The following SLC9A9 variants were observed in gnomAD, a reference collection of about 807,000 sequenced individuals.
SLC9A9 encodes the protein solute carrier family 9 member A9, also known as sodium/hydrogen exchanger 9.
Under a neutral mutation model 77.8 loss-of-function variants are expected in SLC9A9, and 62 were observed. The observed-to-expected ratio is 0.80, with a 90% CI of 0.65 to 0.98. The LOEUF (loss-of-function observed/expected upper bound fraction) is 0.98. Ranked by LOEUF, SLC9A9 falls within the 50% of genes least tolerant of loss-of-function variation. The pLI is 0.00. For missense variants in SLC9A9, 775 were observed against 774.9 expected (o/e 1.00, Z 0.00); for synonymous variants, 320 against 283.5 (o/e 1.13, Z -1.29).
chr3:143,363,456 C>T, intron 14 of SLC9A9, 28 bp downstream of exon 14: 1 of 1,599,232 alleles, frequency 6.3e-7, no homozygotes, highest in Non-Finnish European at 8.6e-7. Context: ...GCAGCAGGAT[C>T]TGTGAGATCG....
intron 8 of SLC9A9, among the ~76,000 whole-genome samples, chr3:143,567,675 C>A (rs189705166): frequency 6.6e-6 from 1 of 152,176 alleles, no homozygotes; most frequent in Non-Finnish European, 1.5e-5. Flanking sequence ...GCAAATGTGG[C>A]CCTTGAAGCA....
intron 4 of SLC9A9, among the ~76,000 whole-genome samples, chr3:143,776,274 A>G (rs2007688527): frequency 6.6e-6 from 1 of 152,202 alleles, no homozygotes; most frequent in African/African-American, 2.4e-5. Flanking sequence ...AATAGATAGA[A>G]AGGTCATTAT....
chr3:143,828,249 C>T (rs188832833), intron 2 of SLC9A9, among the ~76,000 whole-genome samples: 45 of 152,270 alleles, frequency 3.0e-4, no homozygotes, highest in African/African-American at 1.0e-3. Context: ...ATTCTACCAA[C>T]TCCAAGAATG....
chr3:143,795,232 A>T (rs1018395041), intron 3 of SLC9A9, among the ~76,000 whole-genome samples, 155 bp from the exon 4 acceptor site: 1 of 150,584 alleles, frequency 6.6e-6, no homozygotes, highest in Admixed American at 6.7e-5. Flanking sequence ...GCTAATAGGG[A>T]CTTAACTGAT....
intron 5 of SLC9A9, among the ~76,000 whole-genome samples, chr3:143,661,442 C>T (rs988536273): frequency 3.3e-5 from 5 of 152,114 alleles, no homozygotes; most frequent in African/African-American, 1.2e-4. Context: ...CCACACTGCT[C>T]GACCCCACTG....
intron 4 of SLC9A9, among the ~76,000 whole-genome samples, chr3:143,728,304 G>A (rs1219808165): frequency 6.6e-6 from 1 of 152,156 alleles, no homozygotes; most frequent in Admixed American, 6.6e-5. Context: ...ATGGGAGGAG[G>A]AATCTAGGAG....
intron 11 of SLC9A9, among the ~76,000 whole-genome samples, chr3:143,473,560 T>G (rs1205454097): frequency 1.3e-5 from 2 of 152,208 alleles, no homozygotes; most frequent in Admixed American, 6.5e-5. Flanking sequence ...TGAACGATCT[T>G]TCTTCCCTCA....
At chr3:143,761,283 C>G (rs1054995555) in intron 4 of SLC9A9, among the ~76,000 whole-genome samples, 4 of 152,124 alleles carry the variant, frequency 2.6e-5, no homozygotes, top group Non-Finnish European at 5.9e-5. Flanking sequence ...CAGGCAGAGG[C>G]AAGGACTTCA....
intron 5 of SLC9A9, among the ~76,000 whole-genome samples, chr3:143,674,388 G>C (rs1021465284): frequency 3.3e-5 from 5 of 152,066 alleles, no homozygotes; most frequent in South Asian, 2.1e-4. Flanking sequence ...TTAGTGGAAG[G>C]CTCCTCTTGG....
intron 4 of SLC9A9, among the ~76,000 whole-genome samples, chr3:143,781,785 T>C (rs929327954): frequency 6.6e-6 from 1 of 152,240 alleles, no homozygotes; most frequent in South Asian, 2.1e-4. Flanking sequence ...TTCATGTTCA[T>C]GATTCTGTTG....
At chr3:143,566,148 C>T (rs2037163467) in intron 8 of SLC9A9, among the ~76,000 whole-genome samples, 1 of 152,142 alleles carries the variant, frequency 6.6e-6, no homozygotes, top group Non-Finnish European at 1.5e-5. Flanking sequence ...GGAAATCTCT[C>T]CTCCTTATCT....
intron 4 of SLC9A9, among the ~76,000 whole-genome samples, chr3:143,792,879 C>G (rs1431931906): frequency 6.6e-6 from 1 of 152,030 alleles, no homozygotes; most frequent in Non-Finnish European, 1.5e-5. Context: ...ACGCAGCTAC[C>G]AAAATGACCT....
At position 143,676,205 on chromosome 3, in the gene SLC9A9, T is replaced by A. The variant is rs1307126342; in HGVS notation, c.649+16987A>T. 2.6e-5 allele frequency among the ~76,000 whole-genome samples: 4 copies of A among 152,262 alleles called. No homozygotes were observed. The East Asian group carries it at 7.7e-4, about 29-fold the overall frequency. On this transcript the variant is annotated intron_variant, in intron 5 of 15. Transcript: ENST00000316549. ...TATGCTGGCTGGCCTGCCACTCACC[T>A]CCTGCTGTGCAGCTTGGTTCCTAAC... is the stretch of plus-strand genomic sequence containing the variant.
At chr3:143,823,263 A>T (rs1453682685) in intron 2 of SLC9A9, among the ~76,000 whole-genome samples, 1 of 152,236 alleles carries the variant, frequency 6.6e-6, no homozygotes, top group Non-Finnish European at 1.5e-5. Flanking sequence ...ACATGAATCA[A>T]AACATTATAG....
intron 12 of SLC9A9, among the ~76,000 whole-genome samples, chr3:143,388,590 G>A (rs538839662): frequency 6.6e-6 from 1 of 152,290 alleles, no homozygotes; most frequent in East Asian, 1.9e-4. Context: ...CATCTAGGAA[G>A]CACTCATGAA....
chr3:143,628,663 T>A (rs986301959), intron 6 of SLC9A9, among the ~76,000 whole-genome samples: 1 of 152,196 alleles, frequency 6.6e-6, no homozygotes, highest in African/African-American at 2.4e-5. Context: ...CATATTTTAG[T>A]CATTTAAATG....
intron 14 of SLC9A9, among the ~76,000 whole-genome samples, chr3:143,312,478 T>C (rs1172949363): frequency 6.6e-6 from 1 of 152,242 alleles, no homozygotes; most frequent in African/African-American, 2.4e-5. Flanking sequence ...GCCAGAGCAG[T>C]GGGCATGGCC....
chr3:143,386,221 AC>A (rs1306925392), intron 12 of SLC9A9, among the ~76,000 whole-genome samples: 1 of 152,122 alleles, frequency 6.6e-6, no homozygotes, highest in African/African-American at 2.4e-5. Flanking sequence ...ACTGGAGATC[AC>A]CTTGCTCTGT....
chr3:143,597,200 G>A (rs1396176784), intron 6 of SLC9A9, among the ~76,000 whole-genome samples: 2 of 152,182 alleles, frequency 1.3e-5, no homozygotes, highest in Admixed American at 6.5e-5. Context: ...TAGCCTGTTC[G>A]TGTAAGTTCA....
Sources: gnomAD v4.1 joint callset for allele counts (sites outside exome capture counted in the v4.1 genomes callset) on GRCh38, gnomAD v4.1.1 for gene constraint, MANE v1.5 for transcripts, NCBI Gene and HGNC (gene_info 2026-07-23, HGNC 2026-07-21) for gene names.